PHKA1: variants seen among roughly 807,000 people sequenced by gnomAD.
The protein encoded by PHKA1 is phosphorylase b kinase regulatory subunit alpha, skeletal muscle isoform.
A neutral mutation model predicts 110.2 loss-of-function variants in PHKA1; 60 were observed. The observed-to-expected ratio is 0.54, with a 90% CI of 0.44 to 0.68. PHKA1 has a LOEUF of 0.68. PHKA1 is among the 30% of genes least tolerant of loss of function. The probability of loss-of-function intolerance (pLI) is 0.00; values close to 1 mark genes in which losing one functional copy is unlikely to be tolerated. For missense variants in PHKA1, 801 were observed against 942.5 expected (o/e 0.85, Z 1.97); for synonymous variants, 316 against 333.6 (o/e 0.95, Z 0.58).
At chrX:72,617,623 A>G (rs1305018447) in intron 21 of PHKA1, among the ~76,000 whole-genome samples, 1 of 111,732 alleles carries the variant, frequency 8.9e-6, no homozygotes, top group Non-Finnish European at 1.9e-5. Context: ...GAAACCCTAG[A>G]AGAAACGGAT....
intron 13 of PHKA1, 26 bp from the exon 14 acceptor site, chrX:72,644,522 CAACAGAA>C: frequency 8.4e-7 from 1 of 1,185,777 alleles, no homozygotes; most frequent in Non-Finnish European, 1.1e-6. Flanking sequence ...AAGATGAGGT[CAACAGAA>C]AATTTTATTT....
chrX:72,582,607 G>C lies in PHKA1; in HGVS notation c.3298-9C>G, dbSNP rs2052354350. On this transcript the variant is annotated splice_polypyrimidine_tract_variant and intron_variant, in intron 30 of 31. Coordinates refer to ENST00000373542, the MANE Select transcript of PHKA1 (RefSeq NM_002637.4). ...ATCTCACCTGGAGTCATCTGTGATA[G>C]AGAAAAAGAAAATCACTTCCTAAGA... 1 of 1,129,516 alleles carries C rather than the reference G, an allele frequency of 8.9e-7. No homozygotes were observed. Among genetic ancestry groups the C allele is most frequent in the Non-Finnish European group, 1.2e-6 (1 of 822,611 alleles). The allele number at this position is 1,129,516 out of a possible 1,213,427, so 93.1% of individuals were successfully genotyped here. A position where few individuals can be genotyped will look rare whatever the true frequency, so the allele number is the denominator to read the frequency against.
At chrX:72,682,937 A>ATT (rs1569449597) in intron 5 of PHKA1, among the ~76,000 whole-genome samples, 47 of 98,409 alleles carry the variant, frequency 4.8e-4, no homozygotes, top group South Asian at 4.3e-3. Flanking sequence ...AATAAATTAA[A>ATT]AAAAAAAAAA....
rs782326634 is a variant in PHKA1, at chrX:72,713,831, A to G, written c.50T>C (p.Leu17Pro). The G allele has an allele frequency of 8.3e-7, 1 of 1,207,806 alleles. No homozygotes were observed. Among genetic ancestry groups the G allele is most frequent in the South Asian group, 1.8e-5 (1 of 56,881 alleles). ...ATGGCACAGGATGGTCTGTTGCACCAGTCGAGCGTAGCCGTCCAGCCGGAC... is the reference window on the plus strand; with the variant it reads ...ATGGCACAGGATGGTCTGTTGCACCGGTCGAGCGTAGCCGTCCAGCCGGAC... ...SGVRLDGYAR[L>P]VQQTILCHQN... is the part of the protein sequence containing the mutation. Residue 17 changes from leucine to proline, a missense_variant, in exon 1 of 32, where the codon CTG (leucine) becomes CCG (proline). By Grantham distance (98) the Leu-to-Pro change is moderately conservative (BLOSUM62 -3). This residue lies in a region of PHKA1 where 299 missense variants were observed against 423.3 expected (regional missense o/e 0.71). Transcript: ENST00000373542.
intron 3 of PHKA1, among the ~76,000 whole-genome samples, chrX:72,703,303 C>A (rs1603275746): frequency 8.9e-6 from 1 of 112,070 alleles, no homozygotes; most frequent in Non-Finnish European, 1.9e-5. Context: ...ATAATTAATG[C>A]CTCTGATGTA....
At chrX:72,659,784 T>C (rs2053539386) in intron 8 of PHKA1, among the ~76,000 whole-genome samples, 1 of 112,560 alleles carries the variant, frequency 8.9e-6, no homozygotes, top group Non-Finnish European at 1.9e-5. Flanking sequence ...AACTTTTTCA[T>C]AGAGGACCAG....
intron 3 of PHKA1, among the ~76,000 whole-genome samples, chrX:72,700,387 TG>T (rs782796905): frequency 1.9e-3 from 211 of 112,310 alleles, no homozygotes; most frequent in Non-Finnish European, 2.7e-3. Context: ...TTAGGTTCCC[TG>T]AAGTCCAAAA....
intron 3 of PHKA1, 105 bp from the exon 4 acceptor site, chrX:72,695,981 T>A: frequency 1.5e-6 from 1 of 659,603 alleles, no homozygotes. Flanking sequence ...GAAGATACAC[T>A]ATCTTCAGGC....
intron 23 of PHKA1, among the ~76,000 whole-genome samples, chrX:72,605,940 C>T (rs1186254203): frequency 8.9e-6 from 1 of 112,267 alleles, no homozygotes; most frequent in Non-Finnish European, 1.9e-5. Flanking sequence ...TGACAAGTAA[C>T]TATTATGGCT....
intron 3 of PHKA1, among the ~76,000 whole-genome samples, chrX:72,697,924 C>T (rs1202810613): frequency 9.2e-6 from 1 of 108,298 alleles, no homozygotes; most frequent in African/African-American, 3.4e-5. Context: ...GTGGAGGTTA[C>T]AATGAGCCGA....
At position 72,653,417 on chromosome X, in the gene PHKA1, T is replaced by C. The variant is rs1309146231; in HGVS notation, c.1137+18A>G. ...CCTCTTCTCTATCAGCTACATGTTA[T>C]GGCACTGTCTGACTCACCCTGTCAG... is the stretch of plus-strand genomic sequence containing the variant. On this transcript the variant is annotated intron_variant, in intron 11 of 31. Coordinates refer to ENST00000373542, the MANE Select transcript of PHKA1 (RefSeq NM_002637.4). The C allele has an allele frequency of 6.5e-6, 7 of 1,069,876 alleles. No individual in the cohort carries two copies. The South Asian group carries it at 7.5e-5, about 11-fold the overall frequency. The allele number at this position is 1,069,876 out of a possible 1,213,427, so 88.2% of individuals were successfully genotyped here. A position where few individuals can be genotyped will look rare whatever the true frequency, so the allele number is the denominator to read the frequency against.
At chrX:72,687,649 T>C (rs1201575914) in intron 4 of PHKA1, among the ~76,000 whole-genome samples, 1 of 110,542 alleles carries the variant, frequency 9.0e-6, no homozygotes, top group Non-Finnish European at 1.9e-5. Context: ...ATACTGTGTG[T>C]GTGTGTTTGT....
At position 72,684,135 on chromosome X, in the gene PHKA1, A is replaced by G. The variant is rs373065080; in HGVS notation, c.537+363T>C. 4.4e-5 allele frequency among the ~76,000 whole-genome samples: 5 copies of G among 112,411 alleles called. No individual in the cohort carries two copies. The East Asian group carries it at 8.3e-4, about 19-fold the overall frequency. On this transcript the variant is annotated intron_variant, in intron 5 of 31. Transcript: ENST00000373542. ...TACAGATAATATTACAAACATGACT[A>G]AATTTTATTTCTAAGTAGCTAACTG...
intron 3 of PHKA1, among the ~76,000 whole-genome samples, chrX:72,697,876 C>T (rs1404662352): frequency 3.7e-5 from 4 of 108,312 alleles, no homozygotes; most frequent in African/African-American, 1.0e-4. Flanking sequence ...CCCAGCTACT[C>T]GGGAGGCTGA....
intron 5 of PHKA1, among the ~76,000 whole-genome samples, chrX:72,683,514 C>T (rs1569449733): frequency 8.9e-6 from 1 of 111,948 alleles, no homozygotes. Context: ...CAAAGAACTG[C>T]ACATATTTAA....
chrX:72,663,024 C>G (rs2053577886), intron 8 of PHKA1, among the ~76,000 whole-genome samples: 2 of 109,311 alleles, frequency 1.8e-5, no homozygotes, highest in South Asian at 8.0e-4. Flanking sequence ...TCCAAAGGGA[C>G]GTAATAATTA....
chrX:72,709,437 C>T (rs1168916222), intron 2 of PHKA1: 6 of 107,891 alleles, frequency 5.6e-5, no homozygotes, highest in African/African-American at 2.0e-4. Flanking sequence ...CCAGAATTCT[C>T]TTCAATTCTC....
intron 6 of PHKA1, among the ~76,000 whole-genome samples, chrX:72,671,190 T>C (rs1401128736): frequency 3.6e-5 from 4 of 111,370 alleles, no homozygotes; most frequent in Non-Finnish European, 5.7e-5. Flanking sequence ...GAAAACCCCA[T>C]TGTCTCAGCC....
chrX:72,586,139 C>T (rs185179365), intron 29 of PHKA1, among the ~76,000 whole-genome samples: 83 of 112,252 alleles, frequency 7.4e-4, no homozygotes, highest in African/African-American at 2.4e-3. Flanking sequence ...CCCTGACCCT[C>T]GTGTAGCTTA....
Sources: gnomAD v4.1 joint callset for allele counts (sites outside exome capture counted in the v4.1 genomes callset) on GRCh38, gnomAD v4.1.1 for gene constraint, gnomAD v4.1.1 regional missense constraint, MANE v1.5 for transcripts, NCBI Gene and HGNC (gene_info 2026-07-23, HGNC 2026-07-21) for gene names.